The following SLC35B1 variants were observed in gnomAD, a reference collection of about 807,000 sequenced individuals.
SLC35B1 encodes ATP/ADP exchanger ER.
Under a neutral mutation model 36.6 loss-of-function variants are expected in SLC35B1, and 27 were observed. The ratio of observed to expected loss-of-function variants is 0.74; its 90% CI spans 0.54 to 1.02. SLC35B1 has a LOEUF of 1.02. Ranked by LOEUF, SLC35B1 falls within the 50% of genes least tolerant of loss-of-function variation. The probability of loss-of-function intolerance (pLI) is 0.00; values close to 1 mark genes in which losing one functional copy is unlikely to be tolerated. For synonymous variants in SLC35B1, 162 were observed against 152.5 expected (o/e 1.06, Z -0.46); for missense variants, 321 against 383.2 (o/e 0.84, Z 1.35).
chr17:49,703,963 C>G (rs1366306415), intron 6 of SLC35B1, 137 bp downstream of exon 6: 1 of 1,157,500 alleles, frequency 8.6e-7, no homozygotes, highest in African/African-American at 1.5e-5. Context: ...GAAGGTTTCT[C>G]AAGGGCTTGA....
Position 49,707,785 on chromosome 17 carries a change from A to G in SLC35B1, c.49T>C (p.Cys17Arg). Residue 17 changes from cysteine to arginine, a missense_variant, in exon 1 of 9, where the codon TGC (cysteine) becomes CGC (arginine). By Grantham distance (180) the Cys-to-Arg change is radical. Transcript: ENST00000240333. ...TAGCAGACAAAGACACCCAGGAAGC[A>G]GAGCGGCAGGCGCAGCCGGTCGGGC... is the stretch of plus-strand genomic sequence containing the variant. Reference protein sequence around the residue: ...LVPDRLRLPLCFLGVFVCYFY... With the variant: ...LVPDRLRLPLRFLGVFVCYFY... 6.2e-7 allele frequency: 1 copy of G among 1,612,150 alleles called. No individual in the cohort carries two copies. Among genetic ancestry groups the G allele is most frequent in the East Asian group, 2.2e-5 (1 of 44,882 alleles).
At position 49,703,019 on chromosome 17, in the gene SLC35B1, A is replaced by G; in HGVS notation, c.763-8T>C. On this transcript the variant is annotated splice_polypyrimidine_tract_variant and splice_region_variant and intron_variant, in intron 7 of 8. Transcript: ENST00000240333. ...CGTCATAAAGATGAAGCTCTAGAGAAAGATAAAGGTGAGGTCCGGTGGGCT... is the reference window on the plus strand; with the variant it reads ...CGTCATAAAGATGAAGCTCTAGAGAGAGATAAAGGTGAGGTCCGGTGGGCT... 6.2e-7 allele frequency: 1 copy of G among 1,614,058 alleles called. No homozygotes were observed. Among genetic ancestry groups the G allele is most frequent in the Non-Finnish European group, 8.5e-7 (1 of 1,180,006 alleles).
In SLC35B1 at chr17:49,701,446, GTC is replaced by G; in HGVS notation, c.*10_*11del. On this transcript the variant is annotated 3_prime_UTR_variant, in exon 9 of 9. Transcript: ENST00000240333. ...CTTAAATATTCTTGATGTGGAGGTAGTCTCTCTCTTCCTAGTGGGATGTCTTC... is the reference window on the plus strand; with the variant it reads ...CTTAAATATTCTTGATGTGGAGGTAGTCTCTCTTCCTAGTGGGATGTCTTC... 1.2e-6 allele frequency: 2 copies of G among 1,605,524 alleles called. No homozygotes were observed. The highest frequency in any genetic ancestry group is 1.7e-5 in the Admixed American group (1 of 59,986).
Position 49,704,206 on chromosome 17 carries a change from A to G in SLC35B1, c.549T>C (p.Asp183=), listed in dbSNP as rs2073386962. 1.9e-6 allele frequency: 3 copies of G among 1,613,822 alleles called. No homozygotes were observed. The highest frequency in any genetic ancestry group is 2.5e-6 in the Non-Finnish European group (3 of 1,179,980). Residue 183 remains aspartate (D), a synonymous_variant, in exon 6 of 9, where the codon GAT becomes GAC. Coordinates refer to ENST00000240333, the MANE Select transcript of SLC35B1 (RefSeq NM_005827.4). ...ELLLLLSLTL[D]GLTGVSQDHM... ...GGTCCTGGGAAACACCAGTCAGTCCATCCAGGGTCAGCGATAATAGCTGGG... is the reference window on the plus strand; with the variant it reads ...GGTCCTGGGAAACACCAGTCAGTCCGTCCAGGGTCAGCGATAATAGCTGGG...
chr17:49,703,348 GCACA>G (rs10595474), intron 6 of SLC35B1, 54 bp from the exon 7 acceptor site: 108,545 of 585,340 alleles, frequency 0.19, 2,042 homozygotes, highest in East Asian at 0.31. Flanking sequence ...CAAAATGTGC[GCACA>G]CACACACACA....
chr17:49,706,102 C>CT (rs558001093), intron 3 of SLC35B1, 102 bp downstream of exon 3: 148,218 of 828,048 alleles, frequency 0.18, 6,131 homozygotes, highest in Middle Eastern at 0.2. Flanking sequence ...GGACCGTTAT[C>CT]TTTTTTTTTT....
At position 49,707,598 on chromosome 17, in the gene SLC35B1, A is replaced by C. The variant is rs1005192593; in HGVS notation, c.104+132T>G. On this transcript the variant is annotated intron_variant, in intron 1 of 8. Transcript: ENST00000240333. ...TGGGTAGGCTCAGCCATAGCTGCAA[A>C]AGTAGTAGGGTGCTAAGAGGGCGAC... 5.5e-6 allele frequency: 8 copies of C among 1,447,492 alleles called. No individual in the cohort carries two copies. The African/African-American group carries it at 1.1e-4, about 21-fold the overall frequency. The allele number at this position is 1,447,492 out of a possible 1,614,324, so 89.7% of individuals were successfully genotyped here.
Position 49,705,411 on chromosome 17 carries a change from A to C in SLC35B1, c.371-130T>G, listed in dbSNP as rs529251514. ...GACTGAGAAGGAAGGCTTAGAGAGGACAAAAGGAGGGTGCCAGGCTGGCAC... is the reference window on the plus strand; with the variant it reads ...GACTGAGAAGGAAGGCTTAGAGAGGCCAAAAGGAGGGTGCCAGGCTGGCAC... On this transcript the variant is annotated intron_variant, in intron 4 of 8. Coordinates refer to ENST00000240333, the MANE Select transcript of SLC35B1 (RefSeq NM_005827.4). 6.5e-5 allele frequency: 62 copies of C among 954,708 alleles called. No homozygotes were observed. In the African/African-American group the frequency reaches 8.9e-4, roughly 14 times the overall value. 59.1% of individuals were successfully genotyped at this position (954,708 alleles called of 1,614,324 possible).
At chr17:49,705,637 C>T (rs922459645) in intron 4 of SLC35B1, 3 of 606,044 alleles carry the variant, frequency 5.0e-6, no homozygotes, top group Admixed American at 3.1e-5. Context: ...AATGGCTGAC[C>T]AAGTGAAGCA....
intron 1 of SLC35B1, 29 bp downstream of exon 1, chr17:49,707,701 A>C (rs1177373592): frequency 8.1e-6 from 13 of 1,603,782 alleles, no homozygotes; most frequent in East Asian, 2.2e-5. Context: ...CTGGGGAGAG[A>C]CTGTCGGCCC....
Position 49,706,349 on chromosome 17 carries a change from AAAAAAAAAAAAAAAAAGAAAAGAAAAG to A in SLC35B1, c.209-42_209-16del, listed in dbSNP as rs2073418815. The A allele has an allele frequency of 1.7e-5, 14 of 827,002 alleles. No individual in the cohort carries two copies. The highest frequency in any genetic ancestry group is 3.1e-5 in the African/African-American group (1 of 32,606). 51.2% of individuals were successfully genotyped at this position (827,002 alleles called of 1,614,324 possible). On this transcript the variant is annotated splice_polypyrimidine_tract_variant and intron_variant, in intron 2 of 8. Coordinates refer to ENST00000240333, the MANE Select transcript of SLC35B1 (RefSeq NM_005827.4). ...AAACTGGATCACTGGGAGAAGACAA[AAAAAAAAAAAAAAAAAGAAAAGAAAAG>A]AAAAAAAAAAAAAAACAAGAGAAAC...
At chr17:49,703,927 AAT>A (rs2073383254) in intron 6 of SLC35B1, 171 bp downstream of exon 6, 2 of 705,612 alleles carry the variant, frequency 2.8e-6, no homozygotes, top group Non-Finnish European at 4.7e-6. Flanking sequence ...GTAGCAAACA[AAT>A]CCTGCTGGTG....
chr17:49,708,118 G>C (rs775341646), upstream of SLC35B1: 2 of 706,294 alleles, frequency 2.8e-6, no homozygotes, highest in South Asian at 3.0e-5. Context: ...GCAGCCTCGA[G>C]ACTGATCCCT....
At chr17:49,708,055 A>G (rs908707395), upstream of SLC35B1, 2 of 972,260 alleles carry the variant, frequency 2.1e-6, no homozygotes, top group African/African-American at 3.3e-5. Flanking sequence ...ACTTCCTAGG[A>G]AAGAAAACCC....
At chr17:49,708,063 C>A, upstream of SLC35B1, 1 of 904,204 alleles carries the variant, frequency 1.1e-6, no homozygotes, top group Non-Finnish European at 1.7e-6. Flanking sequence ...GGAAAGAAAA[C>A]CCGCCCTGGG....
At chr17:49,702,426 T>C (rs886216151) in intron 8 of SLC35B1, 2 of 157,586 alleles carry the variant, frequency 1.3e-5, no homozygotes, top group African/African-American at 4.8e-5. Flanking sequence ...CAGCCTCTTT[T>C]CTCTTTTAAA....
chr17:49,701,385 C>A lies in SLC35B1; in HGVS notation c.*73G>T, dbSNP rs761071388. 1.6e-6 allele frequency: 2 copies of A among 1,213,650 alleles called. No homozygotes were observed. Among genetic ancestry groups the A allele is most frequent in the East Asian group, 2.3e-5 (1 of 42,772 alleles). 75.2% of individuals were successfully genotyped at this position (1,213,650 alleles called of 1,614,324 possible). On this transcript the variant is annotated 3_prime_UTR_variant, in exon 9 of 9. Coordinates refer to ENST00000240333, the MANE Select transcript of SLC35B1 (RefSeq NM_005827.4). ...CTCAGTCCCATATTCCTATTAAGTCCATTTTCCCAAGAGATGTCACTGTTT... is the reference window on the plus strand; with the variant it reads ...CTCAGTCCCATATTCCTATTAAGTCAATTTTCCCAAGAGATGTCACTGTTT...
intron 1 of SLC35B1, 165 bp downstream of exon 1, chr17:49,707,565 T>C: frequency 2.7e-6 from 4 of 1,474,170 alleles, no homozygotes; most frequent in Non-Finnish European, 2.7e-6. Flanking sequence ...CCTGGAGTTC[T>C]GGAATTCTGG....
At chr17:49,706,371 G>GA (rs746929106) in intron 2 of SLC35B1, 37 bp from the exon 3 acceptor site, 163 of 442,698 alleles carry the variant, frequency 3.7e-4, no homozygotes, top group South Asian at 2.2e-3. Context: ...AAAAAGAAAA[G>GA]AAAAGAAAAA....
Sources: allele counts gnomAD v4.1 joint callset, GRCh38; gene constraint gnomAD v4.1.1; transcripts MANE v1.5; gene names NCBI Gene and HGNC (gene_info 2026-07-23, HGNC 2026-07-21).